CEP192: variants seen among roughly 807,000 people sequenced by gnomAD.
The protein encoded by CEP192 is centrosomal protein 192.
A neutral mutation model predicts 271.8 loss-of-function variants in CEP192; 151 were observed. The observed-to-expected ratio is 0.56, with a 90% CI of 0.49 to 0.64. The LOEUF (loss-of-function observed/expected upper bound fraction) is 0.64, where lower values mean the gene tolerates loss of function less well. CEP192 is among the 30% of genes least tolerant of loss of function. CEP192 has a pLI of 0.00. For synonymous variants in CEP192, 995 were observed against 1,076.5 expected (o/e 0.92, Z 1.48); for missense variants, 2,910 against 3,020.5 (o/e 0.96, Z 0.86).
intron 1 of CEP192, among the ~76,000 whole-genome samples, 166 bp from the exon 2 acceptor site, chr18:12,999,255 T>G (rs2033455691): frequency 6.6e-6 from 1 of 152,236 alleles, no homozygotes; most frequent in Non-Finnish European, 1.5e-5. Flanking sequence ...TAGCAAAGTA[T>G]TCTGAGATTT....
At position 13,005,279 on chromosome 18, in the gene CEP192, A is replaced by C. The variant is rs1186928286; in HGVS notation, c.291-3177A>C. On this transcript the variant is annotated intron_variant, in intron 3 of 44. Coordinates refer to ENST00000506447, the MANE Select transcript of CEP192 (RefSeq NM_032142.4). ...TTCAGAGAAGAGATTCAGGAATGGC[A>C]GATCTTGTCAACCCAGCTCTGTAAA... 1.7e-4 allele frequency among the ~76,000 whole-genome samples: 26 copies of C among 152,180 alleles called. 1 individual carries two copies. The highest frequency in any genetic ancestry group is 1.7e-3 in the Admixed American group (26 of 15,278).
chr18:13,034,158 TTGAA>T (rs1417108452), intron 11 of CEP192, among the ~76,000 whole-genome samples: 4 of 152,132 alleles, frequency 2.6e-5, no homozygotes, highest in Non-Finnish European at 5.9e-5. Context: ...AACGGAAAGA[TTGAA>T]TGAAACCATC....
In CEP192 at chr18:13,068,951, G is replaced by A; in HGVS notation, c.4922G>A (p.Arg1641Lys). The A allele has an allele frequency of 6.2e-7, 1 of 1,614,176 alleles. No individual in the cohort carries two copies. The highest frequency in any genetic ancestry group is 8.5e-7 in the Non-Finnish European group (1 of 1,180,018). The change falls in exon 25 of 45, where the codon AGA becomes AAA. Residue 1641 changes from arginine (R) to lysine (K), a missense_variant. Physicochemically the swap from Arg to Lys is conservative, Grantham distance 26. Transcript: ENST00000506447. ...CTTAGAAGTGTGAGTCTCCGAGCAAGAGCAGGAATAGCTAGGATCCATGCT... is the reference window on the plus strand; with the variant it reads ...CTTAGAAGTGTGAGTCTCCGAGCAAAAGCAGGAATAGCTAGGATCCATGCT... Reference protein sequence around the residue: ...PVLRSVSLRARAGIARIHAPR... With the variant: ...PVLRSVSLRAKAGIARIHAPR...
chr18:13,087,485 TA>T lies in CEP192; in HGVS notation c.5878-41del, dbSNP rs1362527253. On this transcript the variant is annotated intron_variant, in intron 31 of 44. Coordinates refer to ENST00000506447, the MANE Select transcript of CEP192 (RefSeq NM_032142.4). Reference sequence around the variant, plus strand: ...ATTGTTGAATCAGATTGAAATTACTTAAAAATATTTAATATTTACTCCTGAT... The same window carrying T: ...ATTGTTGAATCAGATTGAAATTACTTAAAATATTTAATATTTACTCCTGAT... 2.8e-6 allele frequency: 3 copies of T among 1,086,628 alleles called. No individual in the cohort carries two copies. In the East Asian group the frequency reaches 7.4e-5, roughly 27 times the overall value. The allele number at this position is 1,086,628 out of a possible 1,614,324, so 67.3% of individuals were successfully genotyped here.
intron 38 of CEP192, 121 bp from the exon 39 acceptor site, chr18:13,103,388 C>T: frequency 1.4e-6 from 1 of 718,004 alleles, no homozygotes; most frequent in Non-Finnish European, 2.5e-6. Flanking sequence ...TGTTGAACTC[C>T]TTTAGGGATC....
Position 13,056,163 on chromosome 18 carries a change from G to T in CEP192, c.3573G>T (p.Glu1191Asp), listed in dbSNP as rs2037086360. ...CATCACACCCTGTGTCCTGCCAGGA[G>T]CCTATAGATGAAGATCAAAGAATAA... The part of the protein sequence containing the change: ...SATSHPVSCQ[E>D]PIDEDQRISP... Residue 1191 changes from glutamate (E) to aspartate (D), a missense_variant, in exon 19 of 45, where the codon GAG (glutamate) becomes GAT (aspartate). Transcript: ENST00000506447. 1.2e-6 allele frequency: 2 copies of T among 1,613,884 alleles called. No individual in the cohort carries two copies. Among genetic ancestry groups the T allele is most frequent in the Non-Finnish European group, 1.7e-6 (2 of 1,179,868 alleles).
chr18:13,053,163 A>G, intron 18 of CEP192, 73 bp downstream of exon 18: 3 of 1,270,252 alleles, frequency 2.4e-6, no homozygotes, highest in Non-Finnish European at 3.3e-6. Context: ...TTTGATTCAG[A>G]CTACAGTTCA....
At chr18:13,081,171 G>T (rs1257455358) in intron 30 of CEP192, among the ~76,000 whole-genome samples, 1 of 152,162 alleles carries the variant, frequency 6.6e-6, no homozygotes, top group Non-Finnish European at 1.5e-5. Flanking sequence ...AGTTAGGGAG[G>T]ATTCTCTTTT....
intron 4 of CEP192, 49 bp downstream of exon 4, chr18:13,008,680 T>A: frequency 7.2e-7 from 1 of 1,381,488 alleles, no homozygotes. Flanking sequence ...TTTAATTTCC[T>A]TTTTCATTTC....
intron 30 of CEP192, among the ~76,000 whole-genome samples, chr18:13,085,825 C>T (rs113084877): frequency 3.2e-4 from 48 of 152,158 alleles, no homozygotes; most frequent in African/African-American, 1.2e-3. Context: ...AGTCAGGTGG[C>T]GTGATGCCTC....
Position 13,053,044 on chromosome 18 carries a change from G to A in CEP192, c.3143G>A (p.Ser1048Asn). 1 of 1,613,642 alleles carries A rather than the reference G, an allele frequency of 6.2e-7. No individual in the cohort carries two copies. The highest frequency in any genetic ancestry group is 8.5e-7 in the Non-Finnish European group (1 of 1,179,690). The part of the protein sequence containing the change: ...SRLTYVSEPE[S>N]SYPTTATDDA... ...CTGACGTATGTGTCTGAACCAGAGA[G>A]CTCCTATCCTACCACAGCCACAGAT... The change falls in exon 18 of 45, where the codon AGC (serine) becomes AAC (asparagine). Residue 1048 changes from serine (S) to asparagine (N), a missense_variant. Physicochemically the swap from Ser to Asn is conservative, Grantham distance 46. Transcript: ENST00000506447.
At chr18:13,094,725 C>T (rs908835008) in intron 34 of CEP192, among the ~76,000 whole-genome samples, 5 of 152,254 alleles carry the variant, frequency 3.3e-5, no homozygotes, top group Non-Finnish European at 5.9e-5. Flanking sequence ...ACCCAGGAAA[C>T]GTGGACTAAT....
chr18:13,062,188 G>C (rs1347819609), intron 21 of CEP192, among the ~76,000 whole-genome samples: 1 of 152,122 alleles, frequency 6.6e-6, no homozygotes, highest in African/African-American at 2.4e-5. Context: ...GGAACCACTG[G>C]TGTAGGGAAT....
At chr18:13,004,965 G>C (rs566307006) in intron 3 of CEP192, among the ~76,000 whole-genome samples, 1 of 152,296 alleles carries the variant, frequency 6.6e-6, no homozygotes, top group African/African-American at 2.4e-5. Context: ...GGGGCAGGGA[G>C]AGTGATGTGG....
chr18:13,025,683 A>C (rs2035255138), intron 9 of CEP192, among the ~76,000 whole-genome samples: 1 of 152,238 alleles, frequency 6.6e-6, no homozygotes, highest in South Asian at 2.1e-4. Context: ...ACTGCTTAAC[A>C]GGTAGTTTGA....
In CEP192 at chr18:13,040,859, A is replaced by G. The variant is rs145309087; in HGVS notation, c.1839A>G (p.Pro613=). Residue 613 remains proline, a synonymous_variant, in exon 14 of 45, where the codon CCA becomes CCG. Transcript: ENST00000506447. The part of the protein sequence containing the change: ...RPSFGYFIRS[P]EKREPIALIR... ...CATTTGGCTATTTTATTAGATCACCAGAGAAGAGAGAACCTATTGCCTTAA... is the reference window on the plus strand; with the variant it reads ...CATTTGGCTATTTTATTAGATCACCGGAGAAGAGAGAACCTATTGCCTTAA... 1.7e-3 allele frequency: 2,782 copies of G among 1,598,582 alleles called. 44 individuals carry two copies. The African/African-American group carries it at 0.033, about 19-fold the overall frequency.
intron 36 of CEP192, among the ~76,000 whole-genome samples, chr18:13,098,429 G>A (rs1268206304): frequency 6.8e-6 from 1 of 147,192 alleles, no homozygotes; most frequent in African/African-American, 2.4e-5. Context: ...CAGACGGGGC[G>A]GCTGCCGGGC....
At chr18:13,002,097 G>C (rs925427561) in intron 3 of CEP192, among the ~76,000 whole-genome samples, 5 of 151,962 alleles carry the variant, frequency 3.3e-5, no homozygotes, top group African/African-American at 7.2e-5. Context: ...ACGTGCTTTT[G>C]AAAAAATAGA....
chr18:13,054,451 G>A (rs746611820), intron 18 of CEP192, among the ~76,000 whole-genome samples: 4 of 152,138 alleles, frequency 2.6e-5, no homozygotes, highest in East Asian at 1.9e-4. Context: ...AATACACAGC[G>A]TAGTGTGAGA....
Sources: gnomAD v4.1 joint callset for allele counts (sites outside exome capture counted in the v4.1 genomes callset) on GRCh38, gnomAD v4.1.1 for gene constraint, MANE v1.5 for transcripts, NCBI Gene and HGNC (gene_info 2026-07-23, HGNC 2026-07-21) for gene names.